CCNJ: variants seen among roughly 807,000 people sequenced by gnomAD.
The protein encoded by CCNJ is cyclin J, also known as cyclin-J.
A neutral mutation model predicts 41.4 loss-of-function variants in CCNJ; 12 were observed. That is an observed-to-expected ratio of 0.29 (90% CI 0.19 to 0.47). The LOEUF is 0.47. Among genes scored for constraint, CCNJ ranks in the 20% least tolerant of loss-of-function variants. CCNJ has a pLI of 1.00. For missense variants in CCNJ, 340 were observed against 464.6 expected, an observed-to-expected ratio of 0.73 and a Z score of 2.47; for synonymous variants, 161 against 173.4, an observed-to-expected ratio of 0.93 and a Z score of 0.56.
At position 96,051,542 on chromosome 10, in the gene CCNJ, T is replaced by C. The variant is rs150636105; in HGVS notation, c.280+1076T>C. 5.3e-3 allele frequency among the ~76,000 whole-genome samples: 811 copies of C among 151,962 alleles called. 6 individuals are homozygous for C. The highest frequency in any genetic ancestry group is 0.013 in the South Asian group (65 of 4,818). Reference sequence around the variant, plus strand: ...TTCTGTATTATCCATGTCATTATAATAGAATCTTAAAGGAGTATGTAGATA... The same window carrying C: ...TTCTGTATTATCCATGTCATTATAACAGAATCTTAAAGGAGTATGTAGATA... On this transcript the variant is annotated intron_variant, in intron 3 of 5. Transcript: ENST00000465148.
chr10:96,058,294 G>C lies in CCNJ; in HGVS notation c.*53G>C. 2.0e-6 allele frequency: 3 copies of C among 1,490,500 alleles called. No individual in the cohort carries two copies. In the Admixed American group the frequency reaches 5.5e-5, roughly 27 times the overall value. The allele number at this position is 1,490,500 out of a possible 1,614,324, so 92.3% of individuals were successfully genotyped here. ...GACTGCTTTGTGACATGAAGCTATG[G>C]GTAAGCGTTTTGTAAACTTCTGTTC... On this transcript the variant is annotated 3_prime_UTR_variant, in exon 6 of 6. Coordinates refer to ENST00000465148, the MANE Select transcript of CCNJ (RefSeq NM_001134375.2).
At chr10:96,052,378 A>G (rs2080553797) in intron 3 of CCNJ, among the ~76,000 whole-genome samples, 1 of 152,226 alleles carries the variant, frequency 6.6e-6, no homozygotes, top group Non-Finnish European at 1.5e-5. Flanking sequence ...GAAATCAGAC[A>G]TGCAAGTTAG....
chr10:96,057,106 A>G lies in CCNJ; in HGVS notation c.599A>G (p.Tyr200Cys). ...TCCACAGATTATGCCTTTCTAAATT[A>G]TGCACCTTCTTTAGTAGCTGCTGCA... ...VSLQDYAFLN[Y>C]APSLVAAACV... The change falls in exon 5 of 6, where the codon TAT (tyrosine) becomes TGT (cysteine). Residue 200 changes from tyrosine (Y) to cysteine (C), a missense_variant. By Grantham distance (194) the Tyr-to-Cys change is radical. Around this residue, in one of 3 missense-constraint regions of CCNJ, gnomAD observed 137 missense variants for 252.9 expected, o/e 0.54. Coordinates refer to ENST00000465148, the MANE Select transcript of CCNJ (RefSeq NM_001134375.2). The G allele has an allele frequency of 6.2e-7, 1 of 1,614,150 alleles. No homozygotes were observed. Among genetic ancestry groups the G allele is most frequent in the Non-Finnish European group, 8.5e-7 (1 of 1,180,010 alleles).
Position 96,060,053 on chromosome 10 carries a change from A to G in CCNJ, c.*1812A>G, listed in dbSNP as rs768538968. 6.6e-6 allele frequency: 1 copy of G among 152,664 alleles called. No individual in the cohort carries two copies. The highest frequency in any genetic ancestry group is 1.5e-5 in the Non-Finnish European group (1 of 68,050). 9.5% of individuals were successfully genotyped at this position (152,664 alleles called of 1,614,324 possible). ...ATGAAAATTGTTTTCTGAAAGTATC[A>G]TCACTTTTCCTTTTTAAAGAAGGCT... On this transcript the variant is annotated 3_prime_UTR_variant, in exon 6 of 6. Transcript: ENST00000465148.
chr10:96,058,233 G>A lies in CCNJ; in HGVS notation c.1144G>A (p.Glu382Lys). 1 of 1,610,538 alleles carries A rather than the reference G, an allele frequency of 6.2e-7. No individual in the cohort carries two copies. The highest frequency in any genetic ancestry group is 8.5e-7 in the Non-Finnish European group (1 of 1,177,208). The change falls in exon 6 of 6, where the codon GAA (glutamate) becomes AAA (lysine). Residue 382 changes from glutamate (E) to lysine (K), a missense_variant. Physicochemically the swap from Glu to Lys is moderately conservative, Grantham distance 56. This residue lies in a region of CCNJ where 159 missense variants were observed against 168.2 expected (regional missense o/e 0.95). Coordinates refer to ENST00000465148, the MANE Select transcript of CCNJ (RefSeq NM_001134375.2). ...EHYPCITPCF[E>K]R The stretch of plus-strand genomic sequence containing the variant: ...TTACCCTTGTATTACTCCATGTTTT[G>A]AAAGGTGATTATTTGTGAAGCTGAT...
chr10:96,056,284 G>C (rs1033178152), intron 3 of CCNJ, among the ~76,000 whole-genome samples: 7 of 151,736 alleles, frequency 4.6e-5, no homozygotes, highest in Non-Finnish European at 7.4e-5. Context: ...ACTCCAGCCT[G>C]GGCGACAGAG....
Position 96,050,351 on chromosome 10 carries a change from A to G in CCNJ, c.165A>G (p.Thr55=). ...TTGCCATTGTGAGCAATCGCTTCAC[A>G]CTCTGCCCTTCTGCCCGCCATCTTG... ...DLIAIVSNRF[T]LCPSARHLAV... The change falls in exon 3 of 6, where the codon ACA becomes ACG. Residue 55 remains threonine (T), a synonymous_variant. Transcript: ENST00000465148. 2 of 1,613,832 alleles carry G rather than the reference A, an allele frequency of 1.2e-6. No individual in the cohort carries two copies. The highest frequency in any genetic ancestry group is 1.7e-6 in the Non-Finnish European group (2 of 1,179,936).
intron 3 of CCNJ, among the ~76,000 whole-genome samples, chr10:96,054,201 A>G (rs151159654): frequency 1.2e-3 from 184 of 152,128 alleles, no homozygotes; most frequent in African/African-American, 4.3e-3. Context: ...CTTATTTCCT[A>G]TTTGGGGCCT....
intron 3 of CCNJ, among the ~76,000 whole-genome samples, chr10:96,056,137 G>A (rs967495031): frequency 9.2e-5 from 14 of 152,040 alleles, no homozygotes; most frequent in Admixed American, 5.9e-4. Context: ...GTGAAACCCC[G>A]TCTCTACTAA....
intron 2 of CCNJ, among the ~76,000 whole-genome samples, chr10:96,045,920 C>T (rs2080350251): frequency 6.6e-6 from 1 of 152,048 alleles, no homozygotes; most frequent in Admixed American, 6.5e-5. Flanking sequence ...CAGGCATGAG[C>T]CACTGCGCCC....
intron 1 of CCNJ, 65 bp from the exon 2 acceptor site, chr10:96,044,288 C>T: frequency 2.2e-6 from 2 of 896,520 alleles, no homozygotes; most frequent in Non-Finnish European, 3.1e-6. Flanking sequence ...TCACACCCCC[C>T]GGGGAGGGGG....
At chr10:96,048,063 T>A (rs139925334) in intron 2 of CCNJ, among the ~76,000 whole-genome samples, 158 of 152,242 alleles carry the variant, frequency 1.0e-3, no homozygotes, top group Middle Eastern at 3.4e-3. Context: ...CCTGCATTAG[T>A]TTGCTAAGGA....
chr10:96,051,010 T>C (rs1320682932), intron 3 of CCNJ, among the ~76,000 whole-genome samples: 2 of 152,228 alleles, frequency 1.3e-5, no homozygotes, highest in African/African-American at 4.8e-5. Flanking sequence ...AAAACATCAA[T>C]GGAGCTAAAG....
At position 96,059,153 on chromosome 10, in the gene CCNJ, T is replaced by G. The variant is rs550573870; in HGVS notation, c.*912T>G. On this transcript the variant is annotated 3_prime_UTR_variant, in exon 6 of 6. Transcript: ENST00000465148. The stretch of plus-strand genomic sequence containing the variant: ...CATATGTAGGTTTTGCATATCTCAG[T>G]GCAATCCATGATTTATACTCAGAAT... 1 of 152,772 alleles carries G rather than the reference T, an allele frequency of 6.5e-6. No homozygotes were observed. The highest frequency in any genetic ancestry group is 1.9e-4 in the East Asian group (1 of 5,196). The allele number at this position is 152,772 out of a possible 1,614,324, so 9.5% of individuals were successfully genotyped here.
At chr10:96,045,666 CAG>C (rs2080342092) in intron 2 of CCNJ, among the ~76,000 whole-genome samples, 1 of 150,448 alleles carries the variant, frequency 6.6e-6, no homozygotes, top group South Asian at 2.1e-4. Flanking sequence ...GAAAATTGTC[CAG>C]ATACACTTTT....
At chr10:96,056,237 A>C (rs915428950) in intron 3 of CCNJ, among the ~76,000 whole-genome samples, 2 of 151,024 alleles carry the variant, frequency 1.3e-5, no homozygotes, top group Admixed American at 6.6e-5. Flanking sequence ...TGAACCCGGG[A>C]GGTGGAGCTT....
Position 96,059,638 on chromosome 10 carries a change from G to A in CCNJ, c.*1397G>A, listed in dbSNP as rs1364495332. ...GGGAAGCTTTCTGGTTTAAAAATTAGTAAGGTGTGTCTTTTTGTTTTTTTT... is the reference window on the plus strand; with the variant it reads ...GGGAAGCTTTCTGGTTTAAAAATTAATAAGGTGTGTCTTTTTGTTTTTTTT... On this transcript the variant is annotated 3_prime_UTR_variant, in exon 6 of 6. Transcript: ENST00000465148. 1.3e-5 allele frequency: 2 copies of A among 152,624 alleles called. No homozygotes were observed. Among genetic ancestry groups the A allele is most frequent in the African/African-American group, 4.8e-5 (2 of 41,460 alleles). 9.5% of individuals were successfully genotyped at this position (152,624 alleles called of 1,614,324 possible).
chr10:96,044,553 TACTC>T (rs1306525079), intron 2 of CCNJ, 91 bp downstream of exon 2: 20 of 1,012,112 alleles, frequency 2.0e-5, no homozygotes, highest in African/African-American at 3.3e-5. Context: ...TCAGGTTCTT[TACTC>T]ACTATCTTCC....
intron 1 of CCNJ, among the ~76,000 whole-genome samples, chr10:96,044,107 G>C (rs1418278275): frequency 6.6e-6 from 1 of 152,238 alleles, no homozygotes; most frequent in Non-Finnish European, 1.5e-5. Context: ...CAGGGCCCGA[G>C]TGGATCCCCT....
Sources: gnomAD v4.1 joint callset for allele counts (sites outside exome capture counted in the v4.1 genomes callset) on GRCh38, gnomAD v4.1.1 for gene constraint, gnomAD v4.1.1 regional missense constraint, MANE v1.5 for transcripts, NCBI Gene and HGNC (gene_info 2026-07-23, HGNC 2026-07-21) for gene names.